Variants in DCLK1 observed in about 807,000 individuals in gnomAD.
DCLK1 encodes the protein serine/threonine-protein kinase DCLK1.
In DCLK1, 16 loss-of-function variants were observed where a neutral mutation model predicts 86.2. The ratio of observed to expected loss-of-function variants is 0.19; its 90% CI spans 0.13 to 0.28. DCLK1 has a LOEUF of 0.28. DCLK1 is among the 10% of genes least tolerant of loss of function. The pLI, the probability that DCLK1 is intolerant of heterozygous loss-of-function variation, is 1.00. For missense variants in DCLK1, 590 were observed against 940.2 expected (o/e 0.63, Z 4.87); for synonymous variants, 369 against 370.5 (o/e 1.00, Z 0.05).
chr13:36,128,284 A>C (rs1013435420), intron 1 of DCLK1, among the ~76,000 whole-genome samples: 9 of 152,194 alleles, frequency 5.9e-5, no homozygotes, highest in Admixed American at 1.3e-4. Flanking sequence ...ATATTAATCC[A>C]ACAAGGTAGG....
At chr13:35,949,721 G>A (rs1877561162) in intron 3 of DCLK1, among the ~76,000 whole-genome samples, 1 of 151,818 alleles carries the variant, frequency 6.6e-6, no homozygotes, top group East Asian at 1.9e-4. Flanking sequence ...ACTACAACAG[G>A]TTTTAAGCAG....
chr13:35,920,763 G>A (rs1875753064), intron 4 of DCLK1, among the ~76,000 whole-genome samples: 1 of 152,078 alleles, frequency 6.6e-6, no homozygotes, highest in African/African-American at 2.4e-5. Context: ...CACCTGCTCT[G>A]GGGTCATCTC....
intron 16 of DCLK1, among the ~76,000 whole-genome samples, chr13:35,786,487 G>A (rs534636712): frequency 2.0e-5 from 3 of 152,274 alleles, no homozygotes; most frequent in Non-Finnish European, 4.4e-5. Flanking sequence ...GGACTCTAGG[G>A]TCAGTGTTTA....
Position 35,769,328 on chromosome 13 carries a change from T to C in DCLK1, c.*5207A>G, listed in dbSNP as rs1048162755. 20 of 152,332 alleles carry C rather than the reference T, an allele frequency of 1.3e-4. No homozygotes were observed. Among genetic ancestry groups the C allele is most frequent in the African/African-American group, 4.1e-4 (17 of 41,576 alleles). 9.4% of individuals were successfully genotyped at this position (152,332 alleles called of 1,614,324 possible). On this transcript the variant is annotated 3_prime_UTR_variant, in exon 17 of 17. Transcript: ENST00000360631. ...CAAATTGAAACCTTTCAGAAACTTG[T>C]TTAAATGCGCCAAGTCCCTACGCAC...
chr13:35,810,574 G>C (rs2087121575), intron 12 of DCLK1, among the ~76,000 whole-genome samples: 1 of 152,146 alleles, frequency 6.6e-6, no homozygotes, highest in Non-Finnish European at 1.5e-5. Context: ...TTTTTACTCT[G>C]GGGTTAATAA....
chr13:35,936,705 C>T (rs1949569515), intron 4 of DCLK1, among the ~76,000 whole-genome samples: 1 of 152,156 alleles, frequency 6.6e-6, no homozygotes, highest in Non-Finnish European at 1.5e-5. Context: ...CTTGGCTGTA[C>T]TGGATGGCCT....
intron 3 of DCLK1, among the ~76,000 whole-genome samples, chr13:35,980,912 C>G (rs1879604972): frequency 6.6e-6 from 1 of 152,092 alleles, no homozygotes; most frequent in Admixed American, 6.5e-5. Context: ...CCCACAATGG[C>G]CTCCCAAGGT....
intron 4 of DCLK1, among the ~76,000 whole-genome samples, chr13:35,906,313 C>CTT (rs11358132): frequency 1.5e-5 from 2 of 137,730 alleles, no homozygotes; most frequent in East Asian, 2.2e-4. Flanking sequence ...CAAGTATTTT[C>CTT]TTTTTTTTTT....
At chr13:35,958,224 A>G (rs868447989) in intron 3 of DCLK1, among the ~76,000 whole-genome samples, 465 of 151,732 alleles carry the variant, frequency 3.1e-3, no homozygotes, top group Middle Eastern at 7.0e-3. Context: ...CACCACCACC[A>G]CTATAACCAC....
intron 3 of DCLK1, among the ~76,000 whole-genome samples, chr13:36,102,822 C>T (rs571470284): frequency 7.9e-5 from 12 of 152,282 alleles, no homozygotes; most frequent in African/African-American, 2.2e-4. Context: ...GTTTGCTTCT[C>T]GATCGACTTT....
chr13:36,019,148 T>C (rs1881658561), intron 3 of DCLK1, among the ~76,000 whole-genome samples: 2 of 152,216 alleles, frequency 1.3e-5, no homozygotes, highest in African/African-American at 4.8e-5. Context: ...AATTAATTTA[T>C]TTCTGTCATT....
Position 35,822,766 on chromosome 13 carries a change from T to G in DCLK1, c.1517A>C (p.Asn506Thr). Residue 506 changes from asparagine (N) to threonine (T), a missense_variant, in exon 11 of 17, where the codon AAC becomes ACC. Physicochemically the swap from Asn to Thr is moderately conservative, Grantham distance 65. Coordinates refer to ENST00000360631, the MANE Select transcript of DCLK1 (RefSeq NM_001330071.2). ...TGGCTTGATATCACGGTGGACGATGTTCAGGCTATGCAGGTATTTGATGGC... is the reference window on the plus strand; with the variant it reads ...TGGCTTGATATCACGGTGGACGATGGTCAGGCTATGCAGGTATTTGATGGC... ...ASAIKYLHSL[N>T]IVHRDIKPEN... is the part of the protein sequence containing the mutation. The G allele has an allele frequency of 6.2e-7, 1 of 1,614,056 alleles. No individual in the cohort carries two copies. Among genetic ancestry groups the G allele is most frequent in the Non-Finnish European group, 8.5e-7 (1 of 1,179,984 alleles).
At chr13:36,079,420 A>C (rs1884335117) in intron 3 of DCLK1, among the ~76,000 whole-genome samples, 1 of 152,070 alleles carries the variant, frequency 6.6e-6, no homozygotes, top group Non-Finnish European at 1.5e-5. Context: ...GCCTCAGGTC[A>C]GGAGTTTGAG....
intron 5 of DCLK1, chr13:35,855,773 C>T: frequency 7.8e-7 from 1 of 1,280,730 alleles, no homozygotes; most frequent in Non-Finnish European, 9.9e-7. Flanking sequence ...GTCAATTAAG[C>T]CTCTTGCCAA....
At chr13:36,085,640 T>C (rs547325114) in intron 3 of DCLK1, among the ~76,000 whole-genome samples, 1 of 152,330 alleles carries the variant, frequency 6.6e-6, no homozygotes, top group South Asian at 2.1e-4. Flanking sequence ...CACACACTAT[T>C]CTTTGTGACT....
chr13:35,887,504 C>T (rs1873346508), intron 4 of DCLK1, among the ~76,000 whole-genome samples: 1 of 152,110 alleles, frequency 6.6e-6, no homozygotes, highest in South Asian at 2.1e-4. Flanking sequence ...GCTGCTCAGC[C>T]CTCTCCTGTC....
At chr13:35,993,811 T>A (rs1012892136) in intron 3 of DCLK1, among the ~76,000 whole-genome samples, 1 of 149,142 alleles carries the variant, frequency 6.7e-6, no homozygotes, top group African/African-American at 2.5e-5. Context: ...AGAATTCAAA[T>A]TCAATTCCTT....
intron 4 of DCLK1, among the ~76,000 whole-genome samples, chr13:35,874,734 T>C (rs1872497472): frequency 6.6e-6 from 1 of 152,232 alleles, no homozygotes; most frequent in Non-Finnish European, 1.5e-5. Flanking sequence ...ACCGTTCCCA[T>C]GGGACAATAA....
At chr13:35,855,527 A>G in intron 5 of DCLK1, 2 of 1,607,660 alleles carry the variant, frequency 1.2e-6, no homozygotes, top group Non-Finnish European at 1.7e-6. Flanking sequence ...GAGTTCTAAC[A>G]TGGACACAGT....
Sources: allele counts gnomAD v4.1 joint callset (sites outside exome capture counted in the v4.1 genomes callset), GRCh38; gene constraint gnomAD v4.1.1; transcripts MANE v1.5; gene names NCBI Gene and HGNC (gene_info 2026-07-23, HGNC 2026-07-21).